SLC41A3: variants seen among roughly 807,000 people sequenced by gnomAD.
SLC41A3 encodes SLC41A1-like 2.
A neutral mutation model predicts 45.4 loss-of-function variants in SLC41A3; 44 were observed. That is an observed-to-expected ratio of 0.97 (90% confidence interval 0.76 to 1.25). SLC41A3 has a LOEUF of 1.25. SLC41A3 is among the 50% of genes most tolerant of loss of function. The probability of loss-of-function intolerance (pLI) is 0.00; values close to 1 mark genes in which losing one functional copy is unlikely to be tolerated. For synonymous variants in SLC41A3, 256 were observed against 252.4 expected (o/e 1.01, Z -0.13); for missense variants, 550 against 600.6 (o/e 0.92, Z 0.88).
chr3:126,020,940 G>A (rs1380764208), intron 6 of SLC41A3, among the ~76,000 whole-genome samples: 4 of 151,720 alleles, frequency 2.6e-5, no homozygotes, highest in African/African-American at 9.7e-5. Flanking sequence ...TGTTGCCCAG[G>A]CTGGAGTACA....
chr3:126,080,960 AAAAC>A (rs2108091745), intron 1 of SLC41A3, among the ~76,000 whole-genome samples: 1 of 152,154 alleles, frequency 6.6e-6, no homozygotes, highest in African/African-American at 2.4e-5. Flanking sequence ...CTGAAAAAAA[AAAAC>A]AAACTAAAAA....
intron 1 of SLC41A3, among the ~76,000 whole-genome samples, chr3:126,090,117 T>G (rs1267512097): frequency 6.6e-6 from 1 of 150,902 alleles, no homozygotes; most frequent in Non-Finnish European, 1.5e-5. Flanking sequence ...CTCCAAAATC[T>G]GGATTGTGGT....
chr3:126,074,429 T>G (rs796405725), intron 1 of SLC41A3, among the ~76,000 whole-genome samples: 6 of 151,878 alleles, frequency 4.0e-5, no homozygotes, highest in African/African-American at 1.4e-4. Flanking sequence ...GTACCTGAGG[T>G]TCTAGCCAGC....
chr3:126,038,764 G>T (rs1246348811), intron 3 of SLC41A3, among the ~76,000 whole-genome samples: 1 of 152,208 alleles, frequency 6.6e-6, no homozygotes, highest in East Asian at 1.9e-4. Context: ...ATTTTGTAAT[G>T]GGAGAAGAAT....
chr3:126,061,447 G>A (rs769102685), intron 2 of SLC41A3, among the ~76,000 whole-genome samples: 3 of 152,010 alleles, frequency 2.0e-5, no homozygotes, highest in Non-Finnish European at 2.9e-5. Flanking sequence ...CCGCAGGGCC[G>A]CTCCCACCAC....
At chr3:126,008,457 G>C (rs1006620880) in intron 10 of SLC41A3, among the ~76,000 whole-genome samples, 1 of 151,848 alleles carries the variant, frequency 6.6e-6, no homozygotes, top group Non-Finnish European at 1.5e-5. Flanking sequence ...GGTGTGGAGT[G>C]TGTGGGGTAC....
At chr3:126,056,353 C>T (rs370926893) in intron 2 of SLC41A3, 63 of 1,613,396 alleles carry the variant, frequency 3.9e-5, no homozygotes, top group East Asian at 1.3e-4. Context: ...ACACCCAGTA[C>T]GCACTTGAAT....
chr3:126,009,256 G>A (rs1206386238), intron 9 of SLC41A3, among the ~76,000 whole-genome samples: 1 of 152,218 alleles, frequency 6.6e-6, no homozygotes, highest in Non-Finnish European at 1.5e-5. Flanking sequence ...TTGGGGGAGA[G>A]GAGTTTGAGC....
chr3:126,071,748 T>A (rs1174795717), intron 1 of SLC41A3, among the ~76,000 whole-genome samples: 2 of 151,180 alleles, frequency 1.3e-5, no homozygotes, highest in Non-Finnish European at 2.9e-5. Flanking sequence ...TTAGGAAATT[T>A]ATAAATATGC....
At chr3:126,085,874 A>G (rs1433350112), upstream of SLC41A3, among the ~76,000 whole-genome samples, 1 of 152,158 alleles carries the variant, frequency 6.6e-6, no homozygotes, top group Non-Finnish European at 1.5e-5. Context: ...GGAAATCCCC[A>G]ACAAAAATTA....
chr3:126,096,619 C>T (rs917708035), intron 1 of SLC41A3, among the ~76,000 whole-genome samples: 1 of 152,282 alleles, frequency 6.6e-6, no homozygotes, highest in Admixed American at 6.5e-5. Context: ...CATGTTCCTG[C>T]TACAGATAAC....
chr3:126,013,363 C>T (rs1196453749), intron 8 of SLC41A3, among the ~76,000 whole-genome samples: 1 of 151,720 alleles, frequency 6.6e-6, no homozygotes, highest in Non-Finnish European at 1.5e-5. Context: ...AGTTCGAGAC[C>T]AGCCTGACCA....
rs368390970 is a variant in SLC41A3, at chr3:126,019,899, T to C, written c.745+2887A>G. 5.9e-5 allele frequency among the ~76,000 whole-genome samples: 9 copies of C among 152,146 alleles called. 1 individual carries two copies. The East Asian group carries it at 9.7e-4, about 16-fold the overall frequency. ...CTGCTTCCATGGCTCCACTAGGCAT[T>C]GTCCTGGTGGAACTCTGGAGCAGCT... On this transcript the variant is annotated intron_variant, in intron 6 of 10. Transcript: ENST00000360370.
intron 2 of SLC41A3, among the ~76,000 whole-genome samples, chr3:126,058,799 A>G (rs1476194377): frequency 7.9e-5 from 12 of 152,190 alleles, no homozygotes; most frequent in Non-Finnish European, 1.8e-4. Context: ...GTACATGGTC[A>G]TATGCTGCAG....
chr3:126,068,498 C>T (rs1944464899), intron 1 of SLC41A3, among the ~76,000 whole-genome samples: 1 of 152,100 alleles, frequency 6.6e-6, no homozygotes, highest in Non-Finnish European at 1.5e-5. Context: ...CAAAAAAGGG[C>T]CTCTGAAAAT....
chr3:126,066,614 T>C (rs751712550), intron 2 of SLC41A3, among the ~76,000 whole-genome samples: 14 of 152,318 alleles, frequency 9.2e-5, no homozygotes, highest in Admixed American at 3.3e-4. Flanking sequence ...TACAACATCC[T>C]ACCACTATGC....
intron 2 of SLC41A3, chr3:126,067,650 G>A: frequency 2.0e-6 from 1 of 508,604 alleles, no homozygotes; most frequent in Non-Finnish European, 3.7e-6. Flanking sequence ...TATGGCAGCA[G>A]TAGTTGACTG....
intron 10 of SLC41A3, 24 bp downstream of exon 10, chr3:126,008,708 T>G: frequency 6.2e-7 from 1 of 1,610,336 alleles, no homozygotes; most frequent in Non-Finnish European, 8.5e-7. Flanking sequence ...GCTGCGCACC[T>G]CTAATTGCTG....
intron 8 of SLC41A3, among the ~76,000 whole-genome samples, chr3:126,013,752 G>A (rs369814394): frequency 1.3e-5 from 2 of 152,088 alleles, no homozygotes; most frequent in South Asian, 2.1e-4. Context: ...CCCCTCTCTC[G>A]GAGCTCAGTT....
Sources: allele counts gnomAD v4.1 joint callset (sites outside exome capture counted in the v4.1 genomes callset), GRCh38; gene constraint gnomAD v4.1.1; transcripts MANE v1.5; gene names NCBI Gene and HGNC (gene_info 2026-07-23, HGNC 2026-07-21).